Variants in CAP2 observed in about 807,000 individuals in gnomAD.
CAP2 encodes adenylyl cyclase-associated protein 2.
A neutral mutation model predicts 57.7 loss-of-function variants in CAP2; 24 were observed. That is an observed-to-expected ratio of 0.42 (90% CI 0.30 to 0.58). CAP2 has a LOEUF of 0.58. CAP2 is among the 20% of genes least tolerant of loss of function. The pLI is 0.22. For synonymous variants in CAP2, 194 were observed against 207.2 expected (o/e 0.94, Z 0.55); for missense variants, 501 against 590.3 (o/e 0.85, Z 1.57).
chr6:17,394,659 A>G (rs1758625161), intron 1 of CAP2, among the ~76,000 whole-genome samples: 1 of 152,186 alleles, frequency 6.6e-6, no homozygotes, highest in Non-Finnish European at 1.5e-5. Flanking sequence ...ACTGTAGTTT[A>G]CTGAGTACTC....
At chr6:17,551,889 G>T (rs2113711989) in intron 12 of CAP2, among the ~76,000 whole-genome samples, 1 of 152,312 alleles carries the variant, frequency 6.6e-6, no homozygotes, top group Middle Eastern at 3.4e-3. Flanking sequence ...TATTAGGTAG[G>T]ACTAAATATT....
Position 17,507,238 on chromosome 6 carries a change from A to C in CAP2, c.370A>C (p.Asn124His), listed in dbSNP as rs371116984. ...GGAAATCCAAACTTTCAGAGAGAGAAACCGGGGGAGTAACATGTTTAATCA... is the reference window on the plus strand; with the variant it reads ...GGAAATCCAAACTTTCAGAGAGAGACACCGGGGGAGTAACATGTTTAATCA... ...IQEIQTFRER[N>H]RGSNMFNHLS... Residue 124 changes from asparagine to histidine, a missense_variant, in exon 5 of 13, where the codon AAC (asparagine) becomes CAC (histidine). Asn to His is a moderately conservative substitution (Grantham distance 68, BLOSUM62 1). Transcript: ENST00000229922. 3.7e-6 allele frequency: 6 copies of C among 1,614,044 alleles called. No homozygotes were observed. The highest frequency in any genetic ancestry group is 5.1e-6 in the Non-Finnish European group (6 of 1,179,980).
At chr6:17,464,286 T>C (rs1760805067) in intron 4 of CAP2, among the ~76,000 whole-genome samples, 1 of 152,192 alleles carries the variant, frequency 6.6e-6, no homozygotes, top group Non-Finnish European at 1.5e-5. Flanking sequence ...AACATTTATA[T>C]AAATAAAAAA....
intron 7 of CAP2, among the ~76,000 whole-genome samples, chr6:17,517,771 G>A (rs1263511061): frequency 6.6e-6 from 1 of 151,960 alleles, no homozygotes; most frequent in Admixed American, 6.6e-5. Context: ...CATGGTGGCG[G>A]GCACCTGTAA....
chr6:17,531,746 C>T, intron 7 of CAP2: 1 of 596,040 alleles, frequency 1.7e-6, no homozygotes, highest in Non-Finnish European at 3.0e-6. Context: ...TATATACATT[C>T]CCCCCATGCT....
intron 11 of CAP2, among the ~76,000 whole-genome samples, chr6:17,547,431 C>T (rs530663705): frequency 6.6e-6 from 1 of 151,940 alleles, no homozygotes; most frequent in Admixed American, 6.6e-5. Flanking sequence ...TTCAAAATTC[C>T]CATTAAAATT....
Position 17,405,978 on chromosome 6 carries a change from C to A in CAP2, c.-2+12232C>A, listed in dbSNP as rs185714723. ...CTGGTCGTGAACTCCTGGGCTCAAG[C>A]GATCTCCCTACCCCAGCCTCTGAAA... On this transcript the variant is annotated intron_variant, in intron 1 of 12. Transcript: ENST00000229922. 1.3e-5 allele frequency among the ~76,000 whole-genome samples: 2 copies of A among 152,198 alleles called. 1 individual carries two copies. The highest frequency in any genetic ancestry group is 3.9e-4 in the East Asian group (2 of 5,160).
At chr6:17,509,416 T>A (rs1762084272) in intron 6 of CAP2, among the ~76,000 whole-genome samples, 1 of 152,112 alleles carries the variant, frequency 6.6e-6, no homozygotes, top group South Asian at 2.1e-4. Context: ...GGTGGCTCAC[T>A]CCTGTAATCC....
At chr6:17,469,416 C>CTGTGTGTGTGTG (rs145245116) in intron 4 of CAP2, among the ~76,000 whole-genome samples, 1 of 150,102 alleles carries the variant, frequency 6.7e-6, no homozygotes, top group East Asian at 2.0e-4. Flanking sequence ...CTGTGTGTGT[C>CTGTGTGTGTGTG]TGTGTGTGTG....
intron 4 of CAP2, among the ~76,000 whole-genome samples, chr6:17,470,054 A>C (rs777531787): frequency 6.6e-6 from 1 of 152,242 alleles, no homozygotes; most frequent in Non-Finnish European, 1.5e-5. Flanking sequence ...TCAAGAGCAG[A>C]AACTTTGGAC....
chr6:17,488,635 C>T (rs778427228), intron 4 of CAP2, among the ~76,000 whole-genome samples: 24 of 152,160 alleles, frequency 1.6e-4, no homozygotes, highest in Non-Finnish European at 2.8e-4. Flanking sequence ...CCTCAGTTTC[C>T]TCTGCTGAAA....
intron 7 of CAP2, among the ~76,000 whole-genome samples, chr6:17,538,033 C>T (rs1394728668): frequency 6.6e-6 from 1 of 152,096 alleles, no homozygotes; most frequent in Non-Finnish European, 1.5e-5. Flanking sequence ...TGCCACTGCA[C>T]TCCAGCCTGG....
chr6:17,550,912 C>A (rs1763156794), intron 11 of CAP2, among the ~76,000 whole-genome samples: 1 of 152,048 alleles, frequency 6.6e-6, no homozygotes, highest in South Asian at 2.1e-4. Context: ...TCAAATTCAG[C>A]CACTGAGATT....
At chr6:17,487,627 G>A (rs1240284547) in intron 4 of CAP2, among the ~76,000 whole-genome samples, 2 of 152,054 alleles carry the variant, frequency 1.3e-5, no homozygotes, top group Admixed American at 6.5e-5. Context: ...CCGCCACCAC[G>A]CCCGGCTAAT....
chr6:17,432,899 T>C (rs1001657346), intron 3 of CAP2, among the ~76,000 whole-genome samples: 7 of 151,808 alleles, frequency 4.6e-5, no homozygotes, highest in Non-Finnish European at 1.0e-4. Flanking sequence ...TCCCTTTCCT[T>C]TGCTTTTATT....
At chr6:17,483,763 C>A (rs1034944475) in intron 4 of CAP2, among the ~76,000 whole-genome samples, 3 of 152,104 alleles carry the variant, frequency 2.0e-5, no homozygotes, top group African/African-American at 7.2e-5. Context: ...ATTCCTCTCC[C>A]CGGCGTGGCT....
chr6:17,426,619 A>G lies in CAP2; in HGVS notation c.151A>G (p.Lys51Glu). 1 of 1,614,010 alleles carries G rather than the reference A, an allele frequency of 6.2e-7. No individual in the cohort carries two copies. Residue 51 changes from lysine (K) to glutamate (E), a missense_variant, in exon 3 of 13, where the codon AAG becomes GAG. Coordinates refer to ENST00000229922, the MANE Select transcript of CAP2 (RefSeq NM_006366.3). ...GGCACCCTCCGTGGAAGCCTTTGAC[A>G]AGCTGATGGACAGTATGGTGGCCGA... ...GVAPSVEAFD[K>E]LMDSMVAEFL...
At chr6:17,545,648 T>A (rs1763025249) in intron 11 of CAP2, among the ~76,000 whole-genome samples, 1 of 152,184 alleles carries the variant, frequency 6.6e-6, no homozygotes, top group South Asian at 2.1e-4. Context: ...GCTGCACCCA[T>A]TAACTAGTCA....
intron 3 of CAP2, among the ~76,000 whole-genome samples, chr6:17,455,179 A>T (rs796468202): frequency 2.6e-5 from 4 of 152,272 alleles, no homozygotes; most frequent in African/African-American, 9.6e-5. Flanking sequence ...TAAGGCCCTG[A>T]TAAGATCTAA....
Sources: allele counts gnomAD v4.1 joint callset (sites outside exome capture counted in the v4.1 genomes callset), GRCh38; gene constraint gnomAD v4.1.1; transcripts MANE v1.5; gene names NCBI Gene and HGNC (gene_info 2026-07-23, HGNC 2026-07-21).